ARMH4: variants seen among roughly 807,000 people sequenced by gnomAD.
ARMH4 encodes the protein armadillo-like helical domain-containing protein 4.
A neutral mutation model predicts 61.9 loss-of-function variants in ARMH4; 49 were observed. The observed-to-expected ratio is 0.79, with a 90% CI of 0.63 to 1.00. ARMH4 has a LOEUF of 1.00. ARMH4 is among the 50% of genes least tolerant of loss of function. ARMH4 has a pLI of 0.00. For synonymous variants in ARMH4, 368 were observed against 341.5 expected, an observed-to-expected ratio of 1.08 and a Z score of -0.85; for missense variants, 934 against 930.0, an observed-to-expected ratio of 1.00 and a Z score of -0.06.
intron 5 of ARMH4, among the ~76,000 whole-genome samples, chr14:58,041,025 C>A (rs569135231): frequency 2.8e-4 from 42 of 152,290 alleles, no homozygotes; most frequent in African/African-American, 9.4e-4. Flanking sequence ...GTCTACAGCT[C>A]CCAGCGTGAG....
intron 5 of ARMH4, among the ~76,000 whole-genome samples, chr14:58,050,781 T>G (rs1330439397): frequency 6.6e-6 from 1 of 152,150 alleles, no homozygotes; most frequent in Non-Finnish European, 1.5e-5. Flanking sequence ...CCAGAACTTT[T>G]TCATGTTACA....
At chr14:58,107,494 A>G (rs1490804013) in intron 4 of ARMH4, among the ~76,000 whole-genome samples, 1 of 152,156 alleles carries the variant, frequency 6.6e-6, no homozygotes, top group Non-Finnish European at 1.5e-5. Context: ...GGCCGGATGC[A>G]GTGGCTCACG....
intron 5 of ARMH4, among the ~76,000 whole-genome samples, chr14:58,041,882 A>G (rs1364558570): frequency 6.6e-6 from 1 of 152,208 alleles, no homozygotes; most frequent in East Asian, 1.9e-4. Context: ...GATCAATTCA[A>G]CAAGAAGAGG....
At chr14:58,112,756 G>A (rs1204642112) in intron 4 of ARMH4, among the ~76,000 whole-genome samples, 1 of 152,024 alleles carries the variant, frequency 6.6e-6, no homozygotes, top group Admixed American at 6.6e-5. Context: ...ATATTTCTAG[G>A]TTATTCGTTA....
At chr14:58,123,820 C>A (rs1241241061) in intron 4 of ARMH4, among the ~76,000 whole-genome samples, 1 of 152,240 alleles carries the variant, frequency 6.6e-6, no homozygotes, top group Non-Finnish European at 1.5e-5. Context: ...TACCTGGACA[C>A]TCTTGTCCTT....
intron 5 of ARMH4, among the ~76,000 whole-genome samples, chr14:58,029,986 C>A (rs186423193): frequency 6.6e-6 from 1 of 152,042 alleles, no homozygotes; most frequent in Non-Finnish European, 1.5e-5. Context: ...AAACAAAATG[C>A]GGTATAGACA....
At chr14:58,092,007 T>C (rs1408338504) in intron 5 of ARMH4, among the ~76,000 whole-genome samples, 1 of 152,194 alleles carries the variant, frequency 6.6e-6, no homozygotes, top group Non-Finnish European at 1.5e-5. Context: ...TACAGAGAAT[T>C]TGAGGCCTGA....
intron 5 of ARMH4, among the ~76,000 whole-genome samples, chr14:58,065,246 A>AAG (rs368675401): frequency 6.3e-4 from 95 of 151,624 alleles, no homozygotes; most frequent in Admixed American, 3.2e-3. Context: ...ATCTTAAAAA[A>AAG]AGAGAGAGAG....
intron 5 of ARMH4, among the ~76,000 whole-genome samples, chr14:58,014,114 G>T (rs1676054406): frequency 6.6e-6 from 1 of 152,138 alleles, no homozygotes. Context: ...ATTTCTTTTG[G>T]TGATACTACC....
At chr14:58,047,270 C>T (rs1179958714) in intron 5 of ARMH4, among the ~76,000 whole-genome samples, 1 of 152,158 alleles carries the variant, frequency 6.6e-6, no homozygotes, top group Non-Finnish European at 1.5e-5. Flanking sequence ...CATTTTCATC[C>T]AAATGAGAGC....
At position 58,046,865 on chromosome 14, in the gene ARMH4, G is replaced by A. The variant is rs545272932; in HGVS notation, c.2090-34715C>T. On this transcript the variant is annotated intron_variant, in intron 5 of 7. Coordinates refer to ENST00000267485, the MANE Select transcript of ARMH4 (RefSeq NM_001001872.4). ...TAATGTTACTTAAATAAATGTAACC[G>A]TAAGCCTACATAAAACTCCGAATCC... Among the ~76,000 whole-genome samples, 61 of 152,248 alleles carry A rather than the reference G, an allele frequency of 4.0e-4. No individual in the cohort carries two copies. In the East Asian group the frequency reaches 7.7e-3, roughly 19 times the overall value.
chr14:58,105,114 C>T (rs959098361), intron 4 of ARMH4, among the ~76,000 whole-genome samples: 1 of 152,148 alleles, frequency 6.6e-6, no homozygotes, highest in Non-Finnish European at 1.5e-5. Context: ...ACACAAAGAA[C>T]AATGACATGC....
intron 5 of ARMH4, among the ~76,000 whole-genome samples, chr14:58,063,956 G>A (rs1212565498): frequency 4.6e-5 from 7 of 152,204 alleles, no homozygotes; most frequent in Non-Finnish European, 1.0e-4. Context: ...GCAGTGAAAG[G>A]AAGTAGCTTG....
intron 5 of ARMH4, among the ~76,000 whole-genome samples, chr14:58,067,020 T>C (rs1884726877): frequency 6.6e-6 from 1 of 152,184 alleles, no homozygotes; most frequent in Non-Finnish European, 1.5e-5. Flanking sequence ...GAAAAATGAA[T>C]AGAAAAAAGA....
intron 5 of ARMH4, among the ~76,000 whole-genome samples, chr14:58,053,207 A>C (rs1015242358): frequency 6.6e-6 from 1 of 152,220 alleles, no homozygotes. Flanking sequence ...CAGTCCTTAC[A>C]AGACATCCTG....
chr14:58,013,344 A>C (rs907906888), intron 5 of ARMH4, among the ~76,000 whole-genome samples: 11 of 152,208 alleles, frequency 7.2e-5, no homozygotes, highest in African/African-American at 2.7e-4. Flanking sequence ...AATTTCATGT[A>C]ATCTTCAAAT....
intron 4 of ARMH4, among the ~76,000 whole-genome samples, chr14:58,130,518 C>T (rs1054023894): frequency 6.6e-6 from 1 of 152,212 alleles, no homozygotes; most frequent in African/African-American, 2.4e-5. Context: ...AAATTCTGCA[C>T]TATAAATCTC....
chr14:58,061,181 G>A (rs1349789157), intron 5 of ARMH4, among the ~76,000 whole-genome samples: 5 of 152,090 alleles, frequency 3.3e-5, no homozygotes, highest in African/African-American at 4.8e-5. Flanking sequence ...TGACACCCTA[G>A]CCCTGGGCTG....
intron 4 of ARMH4, among the ~76,000 whole-genome samples, chr14:58,115,168 G>C (rs1886477614): frequency 6.6e-6 from 1 of 151,796 alleles, no homozygotes; most frequent in Non-Finnish European, 1.5e-5. Context: ...CAACAGAATG[G>C]GAGAAAATAT....
Sources: gnomAD v4.1 joint callset for allele counts (sites outside exome capture counted in the v4.1 genomes callset) on GRCh38, gnomAD v4.1.1 for gene constraint, MANE v1.5 for transcripts, NCBI Gene and HGNC (gene_info 2026-07-23, HGNC 2026-07-21) for gene names.